SETX: variants seen among roughly 807,000 people sequenced by gnomAD.
SETX encodes senataxin.
A neutral mutation model predicts 227.2 loss-of-function variants in SETX; 90 were observed. The observed-to-expected ratio is 0.40, with a 90% CI of 0.33 to 0.47. The LOEUF (loss-of-function observed/expected upper bound fraction) is 0.47. Among genes scored for constraint, SETX ranks in the 20% least tolerant of loss-of-function variants. The pLI is 0.91. For missense variants in SETX, 3,052 were observed against 3,181.5 expected (o/e 0.96, Z 0.98); for synonymous variants, 1,210 against 1,113.2 (o/e 1.09, Z -1.73).
rs1180316139 is a variant in SETX at position 132,331,288 on chromosome 9, G to C, written c.999C>G (p.Asn333Lys). The change falls in exon 8 of 26, where the codon AAC (asparagine) becomes AAG (lysine). Residue 333 changes from asparagine to lysine, a missense_variant. Asn to Lys is a moderately conservative substitution (Grantham distance 94). Coordinates refer to ENST00000224140, the MANE Select transcript of SETX (RefSeq NM_015046.7). The part of the protein sequence containing the change: ...SYNREIRHIR[N>K]SSVRTKLEPE... The stretch of plus-strand genomic sequence containing the variant: ...TTAGCTGAACTAACCTTACAGAGCT[G>C]TTCCGTATATGTCGGATCTCTCTAT... 7.4e-6 allele frequency: 12 copies of C among 1,613,974 alleles called. No homozygotes were observed. Among genetic ancestry groups the C allele is most frequent in the Non-Finnish European group, 6.8e-6 (8 of 1,180,008 alleles).
intron 11 of SETX, among the ~76,000 whole-genome samples, 199 bp downstream of exon 11, chr9:132,311,558 T>TG (rs1007131500): frequency 2.6e-5 from 4 of 151,934 alleles, no homozygotes; most frequent in African/African-American, 4.8e-5. Context: ...AACTACAGAG[T>TG]GGGGAAAAAA....
intron 10 of SETX, among the ~76,000 whole-genome samples, chr9:132,314,702 G>A (rs1250717052): frequency 6.6e-6 from 1 of 151,976 alleles, no homozygotes; most frequent in Non-Finnish European, 1.5e-5. Context: ...ACTAAGAATA[G>A]ATTATTCTAC....
At chr9:132,265,801 A>T (rs1030154017) in intron 25 of SETX, among the ~76,000 whole-genome samples, 2 of 152,036 alleles carry the variant, frequency 1.3e-5, no homozygotes, top group Admixed American at 6.6e-5. Flanking sequence ...TAACGTTCTG[A>T]AACAGGAAGG....
At chr9:132,346,142 C>T in intron 4 of SETX, 119 bp downstream of exon 4, 3 of 812,364 alleles carry the variant, frequency 3.7e-6, no homozygotes, top group Non-Finnish European at 5.9e-6. Flanking sequence ...AAATGAAGTC[C>T]TAATTATATA....
intron 20 of SETX, among the ~76,000 whole-genome samples, chr9:132,279,264 T>C (rs1469043664): frequency 6.6e-6 from 1 of 151,918 alleles, no homozygotes; most frequent in Non-Finnish European, 1.5e-5. Flanking sequence ...ACACAGAAAG[T>C]TTCAAAAAGG....
At chr9:132,332,895 G>GGT (rs1554822458) in intron 7 of SETX, among the ~76,000 whole-genome samples, 2 of 26,352 alleles carry the variant, frequency 7.6e-5, no homozygotes, top group Non-Finnish European at 2.0e-4. Flanking sequence ...CAGGGTGGGT[G>GGT]ATAGTGAGAT....
rs1038078375 is a variant in SETX at position 132,267,482 on chromosome 9, C to T, written c.7287+2133G>A. ...CCTTGGTTTCTCAGAGGAAATCAAA[C>T]GCTTTAATGATTGATCCCATTCCCA... On this transcript the variant is annotated intron_variant, in intron 25 of 25. Coordinates refer to ENST00000224140, the MANE Select transcript of SETX (RefSeq NM_015046.7). Among the ~76,000 whole-genome samples, 15 of 152,192 alleles carry T rather than the reference C, an allele frequency of 9.9e-5. No individual in the cohort carries two copies. The East Asian group carries it at 1.2e-3, about 12-fold the overall frequency.
chr9:132,268,525 A>C (rs1444041609), intron 25 of SETX, among the ~76,000 whole-genome samples: 1 of 152,222 alleles, frequency 6.6e-6, no homozygotes, highest in African/African-American at 2.4e-5. Context: ...TTTTTGTGAG[A>C]GAGGTGTAGA....
chr9:132,340,273 T>C (rs945512085), intron 5 of SETX, among the ~76,000 whole-genome samples: 1 of 152,212 alleles, frequency 6.6e-6, no homozygotes, highest in Non-Finnish European at 1.5e-5. Flanking sequence ...TTCTCACGTT[T>C]TCTAGTTCTC....
intron 4 of SETX, among the ~76,000 whole-genome samples, chr9:132,344,940 C>T (rs377313869): frequency 2.0e-5 from 3 of 151,200 alleles, no homozygotes; most frequent in Non-Finnish European, 2.9e-5. Context: ...TCAAGAGATT[C>T]GTATTATGAA....
chr9:132,346,284 T>C lies in SETX; in HGVS notation c.365A>G (p.Tyr122Cys). ...VPLLEILKYP[Y>C]LLLHERVNEL... ...ACTAACACGTTCATGTAGAAGCAAGTAAGGATATTTCAGTATTTCAAGAAG... is the reference window on the plus strand; with the variant it reads ...ACTAACACGTTCATGTAGAAGCAAGCAAGGATATTTCAGTATTTCAAGAAG... The change falls in exon 4 of 26, where the codon TAC (tyrosine) becomes TGC (cysteine). Residue 122 changes from tyrosine (Y) to cysteine (C), a missense_variant. Tyr to Cys is a radical substitution (Grantham distance 194). This residue lies in a region of SETX where 152 missense variants were observed against 156.2 expected (regional missense o/e 0.97). Coordinates refer to ENST00000224140, the MANE Select transcript of SETX (RefSeq NM_015046.7). 1.2e-6 allele frequency: 2 copies of C among 1,613,770 alleles called. No homozygotes were observed. The highest frequency in any genetic ancestry group is 1.1e-5 in the South Asian group (1 of 91,078).
Position 132,288,625 on chromosome 9 carries a change from G to A in SETX, c.6133C>T (p.Arg2045Ter), listed in dbSNP as rs780582765. The A allele has an allele frequency of 1.9e-6, 3 of 1,613,418 alleles. No individual in the cohort carries two copies. The highest frequency in any genetic ancestry group is 2.5e-6 in the Non-Finnish European group (3 of 1,179,540). ...TTAATAGACTTTTCTGGACCCAGTC[G>A]TACTAAATTTATATCTCCACAGTTT... is the stretch of plus-strand genomic sequence containing the variant. ...LGNCGDINLVRLGPEKSINSE... is the reference protein window; with the variant it reads ...LGNCGDINLV The change falls in exon 16 of 26, where the codon CGA becomes TGA. Residue 2045 changes from arginine (R) to a stop codon, truncating the protein, a stop_gained. Coordinates refer to ENST00000224140, the MANE Select transcript of SETX (RefSeq NM_015046.7). LOFTEE classifies it high-confidence loss of function.
At chr9:132,341,533 T>A (rs1046733356) in intron 5 of SETX, among the ~76,000 whole-genome samples, 1 of 152,176 alleles carries the variant, frequency 6.6e-6, no homozygotes, top group Non-Finnish European at 1.5e-5. Flanking sequence ...AGGTCTACTA[T>A]CAGCAGCTCA....
At position 132,327,967 on chromosome 9, in the gene SETX, G is replaced by A. The variant is rs762260853; in HGVS notation, c.3631C>T (p.Arg1211Cys). The A allele has an allele frequency of 6.2e-6, 10 of 1,613,838 alleles. No homozygotes were observed. Among genetic ancestry groups the A allele is most frequent in the Non-Finnish European group, 7.6e-6 (9 of 1,179,952 alleles). The change falls in exon 10 of 26, where the codon CGT becomes TGT. Residue 1211 changes from arginine to cysteine, a missense_variant. By Grantham distance (180) the Arg-to-Cys change is radical. Coordinates refer to ENST00000224140, the MANE Select transcript of SETX (RefSeq NM_015046.7). ...IDRRTSTPNSRIQRATTVSQK... is the reference protein window; with the variant it reads ...IDRRTSTPNSCIQRATTVSQK... ...GAAACCGTAGTGGCTCTCTGAATAC[G>A]TGAATTGGGAGTTGAAGTCCTTCTA...
intron 15 of SETX, among the ~76,000 whole-genome samples, chr9:132,294,779 A>T (rs1450617310): frequency 1.3e-5 from 2 of 152,208 alleles, no homozygotes; most frequent in African/African-American, 4.8e-5. Flanking sequence ...GCACTCGAGA[A>T]TGGAGGCCAC....
chr9:132,336,614 G>A (rs1847638771), intron 5 of SETX, 99 bp from the exon 6 acceptor site: 1 of 880,186 alleles, frequency 1.1e-6, no homozygotes, highest in Non-Finnish European at 1.9e-6. Context: ...TATTTTAAAA[G>A]ACATGTGACA....
In SETX at chr9:132,326,886, A is replaced by G; in HGVS notation, c.4712T>C (p.Val1571Ala). The G allele has an allele frequency of 2.5e-6, 4 of 1,614,198 alleles. No homozygotes were observed. Among genetic ancestry groups the G allele is most frequent in the Non-Finnish European group, 3.4e-6 (4 of 1,180,042 alleles). Reference sequence around the variant, plus strand: ...AAATACATCTTCATCTGCTGCTTTCACTTCAGAGTGTTTTGGGCAGTATTC... The same window carrying G: ...AAATACATCTTCATCTGCTGCTTTCGCTTCAGAGTGTTTTGGGCAGTATTC... The part of the protein sequence containing the change: ...QGEYCPKHSE[V>A]KAADEDVFRK... Residue 1571 changes from valine (V) to alanine (A), a missense_variant, in exon 10 of 26, where the codon GTG becomes GCG. Coordinates refer to ENST00000224140, the MANE Select transcript of SETX (RefSeq NM_015046.7).
chr9:132,278,336 A>G, intron 20 of SETX, 79 bp from the exon 21 acceptor site: 1 of 1,418,618 alleles, frequency 7.0e-7, no homozygotes, highest in Non-Finnish European at 9.9e-7. Flanking sequence ...AATTACTGAG[A>G]TCTAATACGT....
In SETX at chr9:132,275,257, C is replaced by T; in HGVS notation, c.7099G>A (p.Gly2367Arg). 6.2e-7 allele frequency: 1 copy of T among 1,613,854 alleles called. No homozygotes were observed. The highest frequency in any genetic ancestry group is 8.5e-7 in the Non-Finnish European group (1 of 1,179,818). The change falls in exon 23 of 26, where the codon GGA becomes AGA. Residue 2367 changes from glycine to arginine, a missense_variant and splice_region_variant. Coordinates refer to ENST00000224140, the MANE Select transcript of SETX (RefSeq NM_015046.7). ...GAAATATTTATAAAAATGCCTCACC[C>T]TTTTCTATCGAACTCTTTGTCCAAA... The part of the protein sequence containing the change: ...KDLDKEFDRK[G>R]PAEVDTVDAF...
Sources: allele counts gnomAD v4.1 joint callset (sites outside exome capture counted in the v4.1 genomes callset), GRCh38; gene constraint gnomAD v4.1.1; regional missense constraint gnomAD v4.1.1; transcripts MANE v1.5; gene names NCBI Gene and HGNC (gene_info 2026-07-23, HGNC 2026-07-21).